Variants in LPP observed in about 807,000 individuals in gnomAD.
LPP encodes the protein lipoma-preferred partner.
In LPP, 38 loss-of-function variants were observed where a neutral mutation model predicts 60.4. That is an observed-to-expected ratio of 0.63 (90% CI 0.49 to 0.83). The LOEUF is 0.83. Among genes scored for constraint, LPP ranks in the 40% least tolerant of loss-of-function variants. The pLI, the probability that LPP is intolerant of heterozygous loss-of-function variation, is 0.00. For missense variants in LPP, 902 were observed against 783.6 expected (o/e 1.15, Z -1.80); for synonymous variants, 328 against 290.8 (o/e 1.13, Z -1.30).
At position 188,472,852 on chromosome 3, in the gene LPP, T is replaced by C. The variant is rs1379555176; in HGVS notation, c.194-11740T>C. ...TCCTAAATAGTAAGAACCTCTTCTC[T>C]TCTTCATAGTCTTCTGAATTTGTAG... is the stretch of plus-strand genomic sequence containing the variant. On this transcript the variant is annotated intron_variant, in intron 4 of 11. Coordinates refer to ENST00000617246, the MANE Select transcript of LPP (RefSeq NM_001375462.1). 2.0e-5 allele frequency: 3 copies of C among 152,232 alleles called. No homozygotes were observed. The East Asian group carries it at 5.8e-4, about 29-fold the overall frequency. The allele number at this position is 152,232 out of a possible 1,614,324, so 9.4% of individuals were successfully genotyped here.
At chr3:188,680,994 CTT>C (rs11307025) in intron 7 of LPP, among the ~76,000 whole-genome samples, 78 of 129,086 alleles carry the variant, frequency 6.0e-4, no homozygotes, top group Non-Finnish European at 9.3e-4. Context: ...GGTGCATTTC[CTT>C]TTTTTTTTTT....
chr3:188,548,500 G>A (rs1247058633), intron 6 of LPP, among the ~76,000 whole-genome samples: 1 of 152,174 alleles, frequency 6.6e-6, no homozygotes, highest in Non-Finnish European at 1.5e-5. Context: ...TGAGCTGGGC[G>A]AGTTATCACC....
At chr3:188,429,812 T>C (rs1356000717) in intron 4 of LPP, among the ~76,000 whole-genome samples, 1 of 152,196 alleles carries the variant, frequency 6.6e-6, no homozygotes, top group Non-Finnish European at 1.5e-5. Flanking sequence ...AAAATATTGC[T>C]ATTGAATGCA....
At chr3:188,495,786 A>G (rs913217815) in intron 5 of LPP, among the ~76,000 whole-genome samples, 66 of 152,298 alleles carry the variant, frequency 4.3e-4, no homozygotes, top group African/African-American at 1.5e-3. Flanking sequence ...ACATAATCCA[A>G]TCAACAGGGG....
chr3:188,540,450 T>C (rs1449427552), intron 6 of LPP, among the ~76,000 whole-genome samples: 1 of 152,200 alleles, frequency 6.6e-6, no homozygotes, highest in African/African-American at 2.4e-5. Flanking sequence ...TTCAAGATAA[T>C]GTGAACCCAA....
intron 2 of LPP, among the ~76,000 whole-genome samples, chr3:188,238,739 C>G (rs1722782580): frequency 6.6e-6 from 1 of 152,072 alleles, no homozygotes; most frequent in Admixed American, 6.5e-5. Flanking sequence ...GATCACAGAT[C>G]ACCATAATAC....
intron 2 of LPP, among the ~76,000 whole-genome samples, chr3:188,294,573 G>GT (rs201173274): frequency 0.018 from 2,708 of 152,132 alleles, 81 homozygotes; most frequent in African/African-American, 0.061. Flanking sequence ...CTTCATGCAC[G>GT]TTTTTTTCTC....
chr3:188,870,144 G>A (rs1443655023), intron 10 of LPP, among the ~76,000 whole-genome samples: 1 of 151,956 alleles, frequency 6.6e-6, no homozygotes, highest in South Asian at 2.1e-4. Flanking sequence ...ACATATGTGT[G>A]TGTGTGTATA....
chr3:188,356,575 C>T (rs1206453448), intron 3 of LPP, among the ~76,000 whole-genome samples: 5 of 152,160 alleles, frequency 3.3e-5, no homozygotes, highest in Non-Finnish European at 7.3e-5. Flanking sequence ...CTTAACCTGC[C>T]TACCTGTTGG....
intron 2 of LPP, among the ~76,000 whole-genome samples, chr3:188,289,307 A>T (rs1164629703): frequency 6.6e-6 from 1 of 152,186 alleles, no homozygotes; most frequent in African/African-American, 2.4e-5. Context: ...ATTAGAGAGG[A>T]TACTAACGAT....
At chr3:188,777,617 T>C (rs1738251407) in intron 9 of LPP, among the ~76,000 whole-genome samples, 1 of 152,198 alleles carries the variant, frequency 6.6e-6, no homozygotes, top group Non-Finnish European at 1.5e-5. Flanking sequence ...CAGGGTCCTG[T>C]CTTTTCACGT....
chr3:188,267,738 G>A (rs1321806589), intron 2 of LPP, among the ~76,000 whole-genome samples: 2 of 152,226 alleles, frequency 1.3e-5, no homozygotes, highest in African/African-American at 4.8e-5. Context: ...TGTCCAGTAA[G>A]AGATTTGACC....
intron 1 of LPP, chr3:188,179,170 A>G (rs1168347459): frequency 6.9e-6 from 3 of 435,570 alleles, no homozygotes; most frequent in African/African-American, 2.1e-5. Flanking sequence ...CCCATTCCCT[A>G]TTATCATAGA....
At chr3:188,208,816 G>C (rs1016983961) in intron 1 of LPP, among the ~76,000 whole-genome samples, 2 of 152,168 alleles carry the variant, frequency 1.3e-5, no homozygotes, top group African/African-American at 4.8e-5. Flanking sequence ...ACATAACCCC[G>C]TAGAACATCA....
intron 4 of LPP, among the ~76,000 whole-genome samples, chr3:188,426,526 T>A (rs112410765): frequency 1.3e-5 from 2 of 152,302 alleles, no homozygotes; most frequent in African/African-American, 4.8e-5. Flanking sequence ...TCTGTCTCGT[T>A]GATCTGTCTA....
chr3:188,485,644 A>C (rs1248541750), intron 5 of LPP, among the ~76,000 whole-genome samples: 2 of 151,040 alleles, frequency 1.3e-5, no homozygotes, highest in African/African-American at 4.9e-5. Context: ...AAAAATACAA[A>C]AAATTAGCCG....
intron 2 of LPP, among the ~76,000 whole-genome samples, chr3:188,329,315 A>G (rs1018598286): frequency 6.6e-6 from 1 of 152,208 alleles, no homozygotes; most frequent in Non-Finnish European, 1.5e-5. Flanking sequence ...CACTTTCAGG[A>G]ATTTAAAGGT....
At position 188,199,042 on chromosome 3, in the gene LPP, G is replaced by A. The variant is rs116308042; in HGVS notation, c.-189-26363G>A. Among the ~76,000 whole-genome samples, 493 of 152,320 alleles carry A rather than the reference G, an allele frequency of 3.2e-3. 3 individuals are homozygous for A. The highest frequency in any genetic ancestry group is 0.011 in the African/African-American group (475 of 41,574). On this transcript the variant is annotated intron_variant, in intron 1 of 11. Coordinates refer to ENST00000617246, the MANE Select transcript of LPP (RefSeq NM_001375462.1). ...ACAATGCCTGGGATCTCAGCTGGAA[G>A]ACTCGAAGGCTGGGTGCTAGAGGGA...
intron 4 of LPP, among the ~76,000 whole-genome samples, chr3:188,466,806 CATAT>C (rs56406660): frequency 1.0e-4 from 11 of 106,508 alleles, no homozygotes; most frequent in African/African-American, 4.3e-4. Flanking sequence ...CATCTCAGAA[CATAT>C]ATATATATAT....
Sources: allele counts gnomAD v4.1 joint callset (sites outside exome capture counted in the v4.1 genomes callset), GRCh38; gene constraint gnomAD v4.1.1; transcripts MANE v1.5; gene names NCBI Gene and HGNC (gene_info 2026-07-23, HGNC 2026-07-21).